SLC25A21: variants seen among roughly 807,000 people sequenced by gnomAD.
The protein encoded by SLC25A21 is mitochondrial 2-oxodicarboxylate carrier.
SLC25A21 carries 47 observed loss-of-function variants against 43.8 expected under a neutral mutation model. The observed-to-expected ratio is 1.07, with a 90% confidence interval of 0.85 to 1.37. SLC25A21 has a LOEUF of 1.37. Among genes scored for constraint, SLC25A21 ranks in the 40% most tolerant of loss-of-function variants. SLC25A21 has a pLI of 0.00. For missense variants in SLC25A21, 352 were observed against 350.2 expected (o/e 1.00, Z -0.04); for synonymous variants, 131 against 121.3 (o/e 1.08, Z -0.52).
intron 7 of SLC25A21, among the ~76,000 whole-genome samples, chr14:36,702,270 C>T (rs1472599435): frequency 6.6e-6 from 1 of 151,918 alleles, no homozygotes; most frequent in Non-Finnish European, 1.5e-5. Context: ...TTCTTTCTGC[C>T]TGGTTCATTC....
intron 1 of SLC25A21, among the ~76,000 whole-genome samples, chr14:37,090,607 A>G (rs1962566681): frequency 6.6e-6 from 1 of 151,578 alleles, no homozygotes; most frequent in African/African-American, 2.4e-5. Context: ...AGAAGCTAGA[A>G]AAGATACAGT....
chr14:36,839,515 T>G (rs1288799681), intron 2 of SLC25A21, among the ~76,000 whole-genome samples: 1 of 152,228 alleles, frequency 6.6e-6, no homozygotes, highest in African/African-American at 2.4e-5. Flanking sequence ...GTGACACTCT[T>G]GCTCTAAAAA....
chr14:36,830,535 CT>C (rs2138479276), intron 2 of SLC25A21, among the ~76,000 whole-genome samples: 1 of 151,324 alleles, frequency 6.6e-6, no homozygotes, highest in South Asian at 2.1e-4. Context: ...TATCCTTTTT[CT>C]TTTTTCAGGG....
intron 4 of SLC25A21, among the ~76,000 whole-genome samples, chr14:36,733,792 G>A (rs749554454): frequency 2.6e-4 from 39 of 152,142 alleles, no homozygotes; most frequent in Non-Finnish European, 4.4e-4. Context: ...TGTCAGAGTC[G>A]CTATGATCAG....
At chr14:37,045,213 ACT>A (rs1247112815) in intron 1 of SLC25A21, among the ~76,000 whole-genome samples, 5 of 152,152 alleles carry the variant, frequency 3.3e-5, no homozygotes, top group Admixed American at 1.3e-4. Context: ...TAAACAGTGA[ACT>A]CTCTATGTTG....
intron 6 of SLC25A21, among the ~76,000 whole-genome samples, chr14:36,717,664 G>A (rs1223316305): frequency 2.0e-5 from 3 of 152,214 alleles, no homozygotes; most frequent in African/African-American, 4.8e-5. Context: ...AAGAGGAGGT[G>A]TTGCTTCTTC....
chr14:37,124,949 T>C (rs1963271984), intron 1 of SLC25A21, among the ~76,000 whole-genome samples: 1 of 152,212 alleles, frequency 6.6e-6, no homozygotes, highest in South Asian at 2.1e-4. Flanking sequence ...GCTGCCATGC[T>C]TCCTGTACAG....
intron 2 of SLC25A21, among the ~76,000 whole-genome samples, chr14:36,873,632 G>A (rs145087673): frequency 1.8e-4 from 28 of 152,200 alleles, no homozygotes; most frequent in Non-Finnish European, 3.4e-4. Context: ...TTAGTGATTT[G>A]AGGCTGTTAC....
At chr14:37,123,615 G>T (rs1963248598) in intron 1 of SLC25A21, among the ~76,000 whole-genome samples, 1 of 152,084 alleles carries the variant, frequency 6.6e-6, no homozygotes, top group Admixed American at 6.6e-5. Flanking sequence ...TGGTATTTAT[G>T]CTCAAAATAT....
At chr14:36,684,709 CA>C in intron 8 of SLC25A21, 34 bp downstream of exon 8, 1 of 1,569,506 alleles carries the variant, frequency 6.4e-7, no homozygotes. Flanking sequence ...ACGTGAGCCT[CA>C]TACATTTATT....
At chr14:36,899,051 C>A (rs944836609) in intron 1 of SLC25A21, among the ~76,000 whole-genome samples, 5 of 152,070 alleles carry the variant, frequency 3.3e-5, no homozygotes, top group Non-Finnish European at 7.4e-5. Flanking sequence ...TACAAAACAT[C>A]ATGTTGTACA....
At chr14:36,986,373 A>G (rs1365541119) in intron 1 of SLC25A21, among the ~76,000 whole-genome samples, 3 of 152,170 alleles carry the variant, frequency 2.0e-5, no homozygotes, top group East Asian at 3.9e-4. Context: ...TATTTGCTCA[A>G]TTCCCCTATA....
intron 3 of SLC25A21, among the ~76,000 whole-genome samples, chr14:36,742,948 ATTTTACCACAACAATG>A (rs1885330864): frequency 3.3e-5 from 5 of 152,160 alleles, no homozygotes; most frequent in Admixed American, 2.6e-4. Context: ...GTTTAGTATG[ATTTTACCACAACAATG>A]AAATTTTTTT....
intron 1 of SLC25A21, among the ~76,000 whole-genome samples, chr14:36,924,851 A>C (rs1464901933): frequency 6.6e-6 from 1 of 152,080 alleles, no homozygotes; most frequent in Non-Finnish European, 1.5e-5. Flanking sequence ...TAGCAGAGGA[A>C]GTGTATAGGT....
chr14:36,919,331 G>A (rs1891913818), intron 1 of SLC25A21, among the ~76,000 whole-genome samples: 1 of 152,050 alleles, frequency 6.6e-6, no homozygotes, highest in South Asian at 2.1e-4. Flanking sequence ...TGTTGATGGA[G>A]TCATCTTTTT....
chr14:36,862,720 G>A (rs903479433), intron 2 of SLC25A21, among the ~76,000 whole-genome samples: 4 of 152,012 alleles, frequency 2.6e-5, no homozygotes, highest in Admixed American at 6.6e-5. Context: ...TAACAAACCT[G>A]CACATTCTGC....
chr14:37,163,672 C>A (rs1177808259), intron 1 of SLC25A21, among the ~76,000 whole-genome samples: 1 of 151,966 alleles, frequency 6.6e-6, no homozygotes, highest in Non-Finnish European at 1.5e-5. Flanking sequence ...AAGATACCAC[C>A]AGGGAAGGGT....
chr14:37,026,816 G>A (rs1250455652), intron 1 of SLC25A21, among the ~76,000 whole-genome samples: 2 of 152,120 alleles, frequency 1.3e-5, no homozygotes, highest in Admixed American at 6.6e-5. Flanking sequence ...GCAAAAACAT[G>A]TCAAAGAGAT....
At chr14:36,815,852 C>T (rs913668684) in intron 2 of SLC25A21, among the ~76,000 whole-genome samples, 3 of 152,076 alleles carry the variant, frequency 2.0e-5, no homozygotes, top group African/African-American at 7.2e-5. Context: ...GCTCTTGTTC[C>T]TTCTGTGGGA....
Sources: gnomAD v4.1 joint callset for allele counts (sites outside exome capture counted in the v4.1 genomes callset) on GRCh38, gnomAD v4.1.1 for gene constraint, MANE v1.5 for transcripts, NCBI Gene and HGNC (gene_info 2026-07-23, HGNC 2026-07-21) for gene names.